Variants in XRRA1 observed in about 807,000 individuals in gnomAD.
XRRA1 encodes the protein X-ray radiation resistance-associated protein 1.
A neutral mutation model predicts 80.2 loss-of-function variants in XRRA1; 69 were observed. The observed-to-expected ratio is 0.86, with a 90% CI of 0.71 to 1.05. The LOEUF is 1.05. XRRA1 is among the 50% of genes least tolerant of loss of function. XRRA1 has a pLI of 0.00. For missense variants in XRRA1, 967 were observed against 976.4 expected (o/e 0.99, Z 0.13); for synonymous variants, 348 against 389.9 (o/e 0.89, Z 1.27).
At chr11:74,869,577 T>C (rs1045089314) in intron 10 of XRRA1, among the ~76,000 whole-genome samples, 14 of 152,134 alleles carry the variant, frequency 9.2e-5, no homozygotes, top group Admixed American at 3.3e-4. Flanking sequence ...TGTTAATATG[T>C]GTACAGTAAA....
At chr11:74,908,927 G>A (rs1281898675) in intron 8 of XRRA1, among the ~76,000 whole-genome samples, 1 of 152,182 alleles carries the variant, frequency 6.6e-6, no homozygotes, top group Non-Finnish European at 1.5e-5. Flanking sequence ...CAGCCCACCT[G>A]TAAAGAAAAA....
In XRRA1 at chr11:74,940,810, T is replaced by G. The variant is rs1946183889; in HGVS notation, c.69A>C (p.Arg23Ser). ...CTTCCTCCGGCACGCGAAGCAGATT[T>G]CTGGCTGGGAAGCAGTTGTTCAGGT... ...KPYLNNCFPA[R>S]NLLRVPEEGQ... Residue 23 changes from arginine to serine, a missense_variant, in exon 3 of 19, where the codon AGA becomes AGC. Transcript: ENST00000684022. 1 of 1,608,470 alleles carries G rather than the reference T, an allele frequency of 6.2e-7. No homozygotes were observed. The highest frequency in any genetic ancestry group is 2.2e-5 in the East Asian group (1 of 44,746).
intron 8 of XRRA1, among the ~76,000 whole-genome samples, chr11:74,919,311 T>G (rs1939878362): frequency 1.3e-5 from 2 of 152,196 alleles, no homozygotes; most frequent in Non-Finnish European, 2.9e-5. Context: ...TGAAACAAGA[T>G]TGGCCATGAC....
chr11:74,881,338 A>G (rs931488803), intron 10 of XRRA1, among the ~76,000 whole-genome samples: 3 of 150,692 alleles, frequency 2.0e-5, no homozygotes, highest in African/African-American at 7.4e-5. Flanking sequence ...CCATCCTTTT[A>G]TTTTGAGCCT....
intron 3 of XRRA1, among the ~76,000 whole-genome samples, chr11:74,939,076 G>A (rs1422315340): frequency 6.6e-6 from 1 of 152,210 alleles, no homozygotes; most frequent in African/African-American, 2.4e-5. Context: ...AGCTGGCTGG[G>A]AGTGGTGGCT....
chr11:74,891,645 CTAGAA>C (rs1265712828), intron 10 of XRRA1, among the ~76,000 whole-genome samples: 1 of 152,150 alleles, frequency 6.6e-6, no homozygotes, highest in Non-Finnish European at 1.5e-5. Context: ...GACTGTGTAT[CTAGAA>C]AACCCCATTG....
At chr11:74,923,084 T>A (rs1475914952) in intron 7 of XRRA1, among the ~76,000 whole-genome samples, 2 of 152,106 alleles carry the variant, frequency 1.3e-5, no homozygotes, top group Non-Finnish European at 2.9e-5. Context: ...TATGGTCAGG[T>A]CTACCAGGGG....
Position 74,843,854 on chromosome 11 carries a change from C to T in XRRA1, c.2149G>A (p.Gly717Ser). 6.2e-7 allele frequency: 1 copy of T among 1,607,270 alleles called. No homozygotes were observed. The highest frequency in any genetic ancestry group is 1.1e-5 in the South Asian group (1 of 89,508). ...CCTGGCAGCTGTGGCAGAGCCGTAC[C>T]TAGTGGAGCCTCTGTAATGTTCCGG... ...DPRNITEAPL[G>S]AVLHQWTERR... is the part of the protein sequence containing the mutation. The change falls in exon 18 of 19, where the codon GGT becomes AGT. Residue 717 changes from glycine to serine, a missense_variant and splice_region_variant. Gly to Ser is a moderately conservative substitution (Grantham distance 56). Coordinates refer to ENST00000684022, the MANE Select transcript of XRRA1 (RefSeq NM_001378157.1).
chr11:74,892,706 C>G (rs1168353967), intron 10 of XRRA1, among the ~76,000 whole-genome samples: 6 of 152,022 alleles, frequency 3.9e-5, no homozygotes, highest in Non-Finnish European at 8.8e-5. Flanking sequence ...AACAAATTTA[C>G]AAGAAAAAAA....
intron 10 of XRRA1, among the ~76,000 whole-genome samples, chr11:74,872,055 A>C (rs1440704973): frequency 6.6e-6 from 1 of 152,216 alleles, no homozygotes; most frequent in Non-Finnish European, 1.5e-5. Flanking sequence ...TAGAGAAGAG[A>C]GGCAGTACCT....
chr11:74,880,279 G>C (rs1004322951), intron 10 of XRRA1, among the ~76,000 whole-genome samples: 6 of 152,182 alleles, frequency 3.9e-5, no homozygotes, highest in African/African-American at 1.4e-4. Context: ...TTCTCTGATG[G>C]TAGTTTGTAT....
At chr11:74,874,008 TG>T (rs1159865192) in intron 10 of XRRA1, among the ~76,000 whole-genome samples, 5 of 151,440 alleles carry the variant, frequency 3.3e-5, no homozygotes, top group Non-Finnish European at 7.4e-5. Flanking sequence ...GAGGCCGAGG[TG>T]GGCGGATCAT....
chr11:74,883,261 G>A (rs889714275), intron 10 of XRRA1, among the ~76,000 whole-genome samples: 1 of 152,256 alleles, frequency 6.6e-6, no homozygotes, highest in Admixed American at 6.5e-5. Flanking sequence ...TTGGGTGGGA[G>A]TGACCTGATT....
intron 10 of XRRA1, among the ~76,000 whole-genome samples, chr11:74,887,429 A>C (rs1393667205): frequency 1.3e-5 from 2 of 151,978 alleles, no homozygotes; most frequent in African/African-American, 4.8e-5. Context: ...TTTCAAAAGA[A>C]GACATAGTGG....
chr11:74,946,188 C>A (rs116334548), intron 1 of XRRA1, among the ~76,000 whole-genome samples: 1,565 of 152,242 alleles, frequency 0.01, 32 homozygotes, highest in African/African-American at 0.034. Flanking sequence ...CCTCAAACTC[C>A]CAACTCAGCC....
intron 4 of XRRA1, among the ~76,000 whole-genome samples, chr11:74,935,309 T>C (rs1007177638): frequency 2.0e-5 from 3 of 152,178 alleles, no homozygotes; most frequent in Non-Finnish European, 2.9e-5. Flanking sequence ...AGATAACATG[T>C]AAAGTGGCAC....
At chr11:74,938,991 G>C (rs541253079) in intron 3 of XRRA1, among the ~76,000 whole-genome samples, 1 of 152,296 alleles carries the variant, frequency 6.6e-6, no homozygotes, top group East Asian at 1.9e-4. Context: ...AATTATTACT[G>C]TAGTGTTTGA....
intron 10 of XRRA1, among the ~76,000 whole-genome samples, chr11:74,902,443 A>G (rs1210711136): frequency 1.3e-5 from 2 of 152,076 alleles, no homozygotes; most frequent in African/African-American, 4.8e-5. Flanking sequence ...GGAAATCGGT[A>G]TATCAGAGAG....
Position 74,848,319 on chromosome 11 carries a change from A to C in XRRA1, c.1524T>G (p.Ser508=), listed in dbSNP as rs779750069. Residue 508 remains serine, a synonymous_variant, in exon 15 of 19, where the codon TCT becomes TCG. Transcript: ENST00000684022. Reference sequence around the variant, plus strand: ...TCTCAGTGGGCATCTCTGACTCCACAGAAGTGCTTTTGGTAGTGGGCAGAT... The same window carrying C: ...TCTCAGTGGGCATCTCTGACTCCACCGAAGTGCTTTTGGTAGTGGGCAGAT... ...AEDLPTTKST[S]VESEMPTENL... is the part of the protein sequence containing the mutation. 6.2e-7 allele frequency: 1 copy of C among 1,613,912 alleles called. No individual in the cohort carries two copies. The highest frequency in any genetic ancestry group is 8.5e-7 in the Non-Finnish European group (1 of 1,179,850).
Sources: gnomAD v4.1 joint callset for allele counts (sites outside exome capture counted in the v4.1 genomes callset) on GRCh38, gnomAD v4.1.1 for gene constraint, MANE v1.5 for transcripts, NCBI Gene and HGNC (gene_info 2026-07-23, HGNC 2026-07-21) for gene names.